BECN1: variants seen among roughly 807,000 people sequenced by gnomAD.
BECN1 encodes the protein beclin 1.
BECN1 carries 15 observed loss-of-function variants against 60.1 expected under a neutral mutation model. The observed-to-expected ratio is 0.25, with a 90% CI of 0.17 to 0.38. The LOEUF (loss-of-function observed/expected upper bound fraction) is 0.38. BECN1 is among the 10% of genes least tolerant of loss of function. The pLI is 1.00. For synonymous variants in BECN1, 179 were observed against 201.8 expected, an observed-to-expected ratio of 0.89 and a Z score of 0.96; for missense variants, 424 against 548.2, an observed-to-expected ratio of 0.77 and a Z score of 2.26.
chr17:42,822,882 G>C (rs1317794623), intron 2 of BECN1, among the ~76,000 whole-genome samples: 2 of 150,814 alleles, frequency 1.3e-5, no homozygotes, highest in African/African-American at 4.9e-5. Context: ...ATCTCTGCTA[G>C]GTTGCTCAGG....
At position 42,818,684 on chromosome 17, in the gene BECN1, G is replaced by A; in HGVS notation, c.352-4C>T. On this transcript the variant is annotated splice_region_variant and splice_polypyrimidine_tract_variant and intron_variant, in intron 5 of 11. Transcript: ENST00000590099. ...TGTCAAAAAGGTCCCCAGTGACCTG[G>A]AAGTGTGGGAGAGTCAGGGTAGGGC... 1.2e-6 allele frequency: 2 copies of A among 1,614,194 alleles called. No homozygotes were observed. The highest frequency in any genetic ancestry group is 1.7e-6 in the Non-Finnish European group (2 of 1,180,018).
rs746008150 is a variant in BECN1, at chr17:42,811,758, A to T, written c.1081T>A (p.Trp361Arg). The change falls in exon 11 of 12, where the codon TGG (tryptophan) becomes AGG (arginine). Residue 361 changes from tryptophan (W) to arginine (R), a missense_variant. By Grantham distance (101) the Trp-to-Arg change is moderately radical. Around this residue, in one of 3 missense-constraint regions of BECN1, gnomAD observed 326 missense variants for 406.2 expected, o/e 0.80. Transcript: ENST00000590099. ...LYCSGGLRFF[W>R]DNKFDHAMVA... ...ATTGCATGGTCAAACTTGTTGTCCC[A>T]GAAAAACCGCAACCCCCCAGAACAG... The T allele has an allele frequency of 6.2e-7, 1 of 1,614,226 alleles. No individual in the cohort carries two copies. Among genetic ancestry groups the T allele is most frequent in the Non-Finnish European group, 8.5e-7 (1 of 1,180,046 alleles).
At position 42,818,371 on chromosome 17, in the gene BECN1, T is replaced by C. The variant is rs1432436860; in HGVS notation, c.533A>G (p.Glu178Gly). The change falls in exon 7 of 12, where the codon GAA (glutamate) becomes GGA (glycine). Residue 178 changes from glutamate to glycine, a missense_variant. By Grantham distance (98) the Glu-to-Gly change is moderately conservative. Around this residue, in one of 3 missense-constraint regions of BECN1, gnomAD observed 326 missense variants for 406.2 expected, o/e 0.80. Transcript: ENST00000590099. ...CTCCTTTAGCTCCATCTGTAACTGTTCACTGTCATCCTCATTCATTTGCTC... is the reference window on the plus strand; with the variant it reads ...CTCCTTTAGCTCCATCTGTAACTGTCCACTGTCATCCTCATTCATTTGCTC... ...ILEQMNEDDS[E>G]QLQMELKELA... The C allele has an allele frequency of 6.2e-7, 1 of 1,614,096 alleles. No individual in the cohort carries two copies. Among genetic ancestry groups the C allele is most frequent in the Non-Finnish European group, 8.5e-7 (1 of 1,180,050 alleles).
intron 4 of BECN1, 108 bp downstream of exon 4, chr17:42,819,440 C>A: frequency 8.2e-7 from 1 of 1,224,984 alleles, no homozygotes; most frequent in Non-Finnish European, 1.2e-6. Flanking sequence ...GGCCAAAAGG[C>A]TAGGTGATGA....
At chr17:42,814,714 T>G in intron 8 of BECN1, 41 bp from the exon 9 acceptor site, 2 of 1,611,176 alleles carry the variant, frequency 1.2e-6, no homozygotes, top group Non-Finnish European at 1.7e-6. Flanking sequence ...ATACAGGGAT[T>G]ACTTAAAAAG....
intron 3 of BECN1, 125 bp from the exon 4 acceptor site, chr17:42,819,734 T>C: frequency 1.1e-6 from 1 of 926,724 alleles, no homozygotes; most frequent in Non-Finnish European, 1.6e-6. Context: ...CCACAGAGAC[T>C]TAAAAAATGG....
In BECN1 at chr17:42,819,543, G is replaced by C; in HGVS notation, c.260+5C>G. On this transcript the variant is annotated splice_donor_5th_base_variant and intron_variant, in intron 4 of 11. Coordinates refer to ENST00000590099, the MANE Select transcript of BECN1 (RefSeq NM_001313998.2). ...AAGGAATGGGGGCTGAGAAGTAGTA[G>C]GCACCTGGCTGGGGGGATGAATCTG... The C allele has an allele frequency of 6.2e-7, 1 of 1,613,498 alleles. No homozygotes were observed. The highest frequency in any genetic ancestry group is 8.5e-7 in the Non-Finnish European group (1 of 1,179,854).
intron 10 of BECN1, 75 bp from the exon 11 acceptor site, chr17:42,811,872 A>G (rs893031773): frequency 6.5e-7 from 1 of 1,533,792 alleles, no homozygotes; most frequent in Non-Finnish European, 8.8e-7. Context: ...AATCCTATCA[A>G]TCTCTCAAGT....
intron 8 of BECN1, among the ~76,000 whole-genome samples, chr17:42,815,192 GA>G (rs1190240574): frequency 1.3e-5 from 2 of 149,640 alleles, no homozygotes; most frequent in Non-Finnish European, 3.0e-5. Context: ...GATCCTTCAG[GA>G]ACTGGTAACT....
At chr17:42,818,459 G>T (rs2055191228) in intron 6 of BECN1, 44 bp from the exon 7 acceptor site, 2 of 1,612,096 alleles carry the variant, frequency 1.2e-6, no homozygotes, top group Non-Finnish European at 8.5e-7. Flanking sequence ...AGCTCCATTT[G>T]CCTGAGTGGA....
intron 6 of BECN1, 62 bp from the exon 7 acceptor site, chr17:42,818,477 T>A: frequency 1.2e-6 from 2 of 1,612,298 alleles, no homozygotes; most frequent in Non-Finnish European, 1.7e-6. Flanking sequence ...GGAGTACGGC[T>A]CTTGGGTAAG....
chr17:42,819,885 T>G (rs2055226258), intron 3 of BECN1, among the ~76,000 whole-genome samples: 1 of 152,194 alleles, frequency 6.6e-6, no homozygotes, highest in Admixed American at 6.5e-5. Context: ...TAAATTTGCA[T>G]TTCTCAACAC....
intron 3 of BECN1, chr17:42,820,503 T>C (rs1041349500): frequency 5.2e-6 from 2 of 381,542 alleles, no homozygotes; most frequent in South Asian, 4.8e-5. Context: ...CAATAATTTA[T>C]AATTCTGCTT....
chr17:42,819,450 A>G, intron 4 of BECN1, 98 bp downstream of exon 4: 1 of 1,299,936 alleles, frequency 7.7e-7, no homozygotes, highest in Non-Finnish European at 1.1e-6. Flanking sequence ...CTAGGTGATG[A>G]TGCATCTCTA....
rs1288698458 is a variant in BECN1, at chr17:42,818,610, G to C, written c.422C>G (p.Thr141Arg). 1.2e-6 allele frequency: 2 copies of C among 1,614,158 alleles called. No individual in the cohort carries two copies. The highest frequency in any genetic ancestry group is 2.2e-5 in the East Asian group (1 of 44,886). ...GTCCAGCTGGTCTAAAAGAGTATCT[G>C]TGCATTCCTCACAGAGTGGGTGATC... The part of the protein sequence containing the change: ...DVDHPLCEEC[T>R]DTLLDQLDTQ... The change falls in exon 6 of 12, where the codon ACA becomes AGA. Residue 141 changes from threonine to arginine, a missense_variant. Thr to Arg is a moderately conservative substitution (Grantham distance 71). Transcript: ENST00000590099.
chr17:42,817,637 G>A (rs530181641), intron 7 of BECN1, among the ~76,000 whole-genome samples: 5 of 152,202 alleles, frequency 3.3e-5, no homozygotes, highest in Non-Finnish European at 7.4e-5. Flanking sequence ...CAAACTCCTG[G>A]GCTCAAGTTA....
rs1196550157 is a variant in BECN1, at chr17:42,824,143, G to C, written c.-3+12C>G. On this transcript the variant is annotated intron_variant, in intron 1 of 11. Transcript: ENST00000590099. ...CTTCTAAGGTCCCACCTCAGCCCCC[G>C]ATGCTCTTCACCTCGGGAGCCCGGA... 4.4e-6 allele frequency: 2 copies of C among 453,248 alleles called. No individual in the cohort carries two copies. The highest frequency in any genetic ancestry group is 2.0e-5 in the African/African-American group (1 of 49,984). 28.1% of individuals were successfully genotyped at this position (453,248 alleles called of 1,614,324 possible).
chr17:42,824,102 A>G, intron 1 of BECN1, 53 bp downstream of exon 1: 1 of 533,700 alleles, frequency 1.9e-6, no homozygotes, highest in Non-Finnish European at 3.3e-6. Context: ...AAGAGCCGTG[A>G]GGGTTCCCAG....
chr17:42,823,657 G>T, intron 2 of BECN1, 91 bp downstream of exon 2: 2 of 1,505,152 alleles, frequency 1.3e-6, no homozygotes, highest in African/African-American at 2.8e-5. Flanking sequence ...ATGAGTTTGT[G>T]GCAGACTACA....
Sources: gnomAD v4.1 joint callset for allele counts (sites outside exome capture counted in the v4.1 genomes callset) on GRCh38, gnomAD v4.1.1 for gene constraint, gnomAD v4.1.1 regional missense constraint, MANE v1.5 for transcripts, NCBI Gene and HGNC (gene_info 2026-07-23, HGNC 2026-07-21) for gene names.